GALNT9: variants seen among roughly 807,000 people sequenced by gnomAD.
GALNT9 encodes the protein GalNAc transferase 9.
Under a neutral mutation model 63.1 loss-of-function variants are expected in GALNT9, and 47 were observed. The observed-to-expected ratio is 0.75, with a 90% confidence interval of 0.59 to 0.95. The LOEUF is 0.95. Ranked by LOEUF, GALNT9 falls within the 40% of genes least tolerant of loss-of-function variation. The pLI is 0.00. For synonymous variants in GALNT9, 396 were observed against 365.7 expected (o/e 1.08, Z -0.94); for missense variants, 829 against 874.8 (o/e 0.95, Z 0.66).
intron 1 of GALNT9, among the ~76,000 whole-genome samples, chr12:132,306,006 CAG>C: frequency 6.6e-6 from 1 of 152,080 alleles, no homozygotes; most frequent in African/African-American, 2.4e-5. Flanking sequence ...ACCCTCAGGA[CAG>C]GGGGGCTCAT....
intron 1 of GALNT9, among the ~76,000 whole-genome samples, chr12:132,303,497 ACACACCCTCGCCTGGG>A (rs1881406069): frequency 2.4e-5 from 1 of 41,076 alleles, no homozygotes; most frequent in African/African-American, 8.4e-5. Context: ...AATCGCCCAG[ACACACCCTCGCCTGGG>A]CACACCCTCA....
intron 1 of GALNT9, 26 bp downstream of exon 1, chr12:132,328,940 C>T (rs1476767110): frequency 2.0e-6 from 3 of 1,497,050 alleles, no homozygotes; most frequent in Admixed American, 2.1e-5. Context: ...GGGCTGCCCC[C>T]ACTCCGCCCC....
At chr12:132,328,094 C>T (rs1348984244) in intron 1 of GALNT9, among the ~76,000 whole-genome samples, 1 of 152,232 alleles carries the variant, frequency 6.6e-6, no homozygotes, top group African/African-American at 2.4e-5. Context: ...TTTCTCCTTC[C>T]TGGCGCCCCG....
At chr12:132,237,111 C>T (rs1878032863) in intron 6 of GALNT9, among the ~76,000 whole-genome samples, 1 of 152,116 alleles carries the variant, frequency 6.6e-6, no homozygotes, top group Admixed American at 6.5e-5. Context: ...CCAGGTCTCT[C>T]GGGACTGTGG....
intron 1 of GALNT9, among the ~76,000 whole-genome samples, chr12:132,289,465 C>T (rs1286031345): frequency 6.6e-6 from 1 of 152,254 alleles, no homozygotes; most frequent in Non-Finnish European, 1.5e-5. Context: ...AAGCTGTCCA[C>T]ACCCTAATCC....
At chr12:132,237,847 A>G (rs1347266100) in intron 6 of GALNT9, among the ~76,000 whole-genome samples, 1 of 152,098 alleles carries the variant, frequency 6.6e-6, no homozygotes, top group African/African-American at 2.4e-5. Flanking sequence ...CCTGCGGTGG[A>G]GGTTGGGGGG....
intron 2 of GALNT9, chr12:132,283,247 C>T (rs1025743632): frequency 6.6e-6 from 1 of 152,380 alleles, no homozygotes; most frequent in African/African-American, 2.4e-5. Flanking sequence ...ACGCAGCCTT[C>T]CTCCCTTACA....
At chr12:132,203,472 A>C (rs1373184378) in intron 7 of GALNT9, 33 bp downstream of exon 7, 3 of 1,608,750 alleles carry the variant, frequency 1.9e-6, no homozygotes, top group Non-Finnish European at 8.5e-7. Context: ...ACCCTGGGGC[A>C]TGGCCCCGGC....
chr12:132,237,911 G>C (rs140488173), intron 6 of GALNT9, among the ~76,000 whole-genome samples: 2 of 152,084 alleles, frequency 1.3e-5, no homozygotes, highest in African/African-American at 2.4e-5. Flanking sequence ...AGGGACCCCC[G>C]TGCCAGGCCT....
At chr12:132,204,128 G>A (rs999171637) in intron 6 of GALNT9, among the ~76,000 whole-genome samples, 5 of 149,098 alleles carry the variant, frequency 3.4e-5, no homozygotes, top group African/African-American at 1.2e-4. Context: ...ACCGCTCCAC[G>A]CATCCCCAGA....
chr12:132,240,311 C>G (rs1012836890), intron 6 of GALNT9, among the ~76,000 whole-genome samples: 1 of 152,152 alleles, frequency 6.6e-6, no homozygotes, highest in African/African-American at 2.4e-5. Context: ...AGCCCCGGCC[C>G]GGCTCTGGCC....
chr12:132,240,558 T>G, intron 6 of GALNT9: 1 of 448,960 alleles, frequency 2.2e-6, no homozygotes, highest in Non-Finnish European at 4.5e-6. Flanking sequence ...AGGGCTCAGC[T>G]GTGGGCTCCG....
chr12:132,229,911 C>T (rs1413159461), intron 6 of GALNT9, among the ~76,000 whole-genome samples: 1 of 152,182 alleles, frequency 6.6e-6, no homozygotes, highest in African/African-American at 2.4e-5. Context: ...CACAGGCTCT[C>T]AGCCCCAATC....
intron 6 of GALNT9, among the ~76,000 whole-genome samples, chr12:132,228,341 G>A (rs921690556): frequency 0.034 from 4,871 of 142,204 alleles, 250 homozygotes; most frequent in African/African-American, 0.1. Flanking sequence ...GGGGCGGCCC[G>A]TCAGCACCTC....
rs1555245042 is a variant in GALNT9, at chr12:132,310,056, G to C, written c.238+18910C>G. 6.6e-6 allele frequency among the ~76,000 whole-genome samples: 1 copy of C among 152,244 alleles called. No homozygotes were observed. The highest frequency in any genetic ancestry group is 1.9e-4 in the East Asian group (1 of 5,192). On this transcript the variant is annotated intron_variant, in intron 1 of 10. Coordinates refer to ENST00000328957, the MANE Select transcript of GALNT9 (RefSeq NM_001122636.2). The surrounding 1 kb of genome is among the most constrained non-coding windows in gnomAD (Gnocchi z 4.8). ...TCTGAGAAATATGTCTAAAAAAGGA[G>C]ACTGCTGGAATCTGAGGTTTTCACC... is the stretch of plus-strand genomic sequence containing the variant.
At chr12:132,263,585 G>C (rs28424176) in intron 2 of GALNT9, among the ~76,000 whole-genome samples, 1 of 152,240 alleles carries the variant, frequency 6.6e-6, no homozygotes, top group African/African-American at 2.4e-5. Flanking sequence ...GTCCTCAAGC[G>C]CACACCCTGT....
At chr12:132,230,731 G>A (rs1877858772) in intron 6 of GALNT9, among the ~76,000 whole-genome samples, 1 of 152,256 alleles carries the variant, frequency 6.6e-6, no homozygotes, top group Non-Finnish European at 1.5e-5. Flanking sequence ...GCAGGGAGGG[G>A]CTGGCTGACG....
intron 2 of GALNT9, among the ~76,000 whole-genome samples, chr12:132,269,063 A>G (rs1879766274): frequency 6.6e-6 from 1 of 152,254 alleles, no homozygotes; most frequent in African/African-American, 2.4e-5. Flanking sequence ...TCCATTAGAC[A>G]GGACTGAAAG....
intron 1 of GALNT9, among the ~76,000 whole-genome samples, chr12:132,321,743 C>A (rs1868808600): frequency 6.6e-6 from 1 of 152,104 alleles, no homozygotes; most frequent in South Asian, 2.1e-4. Context: ...CAGGTCACTG[C>A]AGTGGCACCG....
Sources: allele counts gnomAD v4.1 joint callset (sites outside exome capture counted in the v4.1 genomes callset), GRCh38; gene constraint gnomAD v4.1.1; non-coding constraint Gnocchi (gnomAD v3.1); transcripts MANE v1.5; gene names NCBI Gene and HGNC (gene_info 2026-07-23, HGNC 2026-07-21).